CCSER1: variants seen among roughly 807,000 people sequenced by gnomAD.
CCSER1 encodes the protein coiled-coil serine rich protein 1, also known as serine-rich coiled-coil domain-containing protein 1.
CCSER1 carries 41 observed loss-of-function variants against 82.0 expected under a neutral mutation model. That is an observed-to-expected ratio of 0.50 (90% CI 0.39 to 0.65). CCSER1 has a LOEUF of 0.65. Among genes scored for constraint, CCSER1 ranks in the 30% least tolerant of loss-of-function variants. The pLI, the probability that CCSER1 is intolerant of heterozygous loss-of-function variation, is 0.00. For missense variants in CCSER1, 1,119 were observed against 1,064.2 expected (o/e 1.05, Z -0.72); for synonymous variants, 414 against 383.9 (o/e 1.08, Z -0.92).
intron 7 of CCSER1, among the ~76,000 whole-genome samples, chr4:90,790,197 G>A (rs1214490708): frequency 2.0e-5 from 3 of 152,040 alleles, no homozygotes; most frequent in Non-Finnish European, 4.4e-5. Flanking sequence ...GTCCTATGCA[G>A]CCTTTTCTTT....
chr4:90,159,996 C>CT (rs1408259974), intron 1 of CCSER1, among the ~76,000 whole-genome samples: 1 of 152,150 alleles, frequency 6.6e-6, no homozygotes, highest in East Asian at 1.9e-4. Flanking sequence ...ATATACTGTG[C>CT]TTTTAATAAT....
intron 1 of CCSER1, among the ~76,000 whole-genome samples, chr4:90,183,004 T>A (rs1327062763): frequency 2.6e-5 from 4 of 152,104 alleles, no homozygotes; most frequent in Non-Finnish European, 1.5e-5. Context: ...TTTTCTCTTT[T>A]ATCTCAGTTT....
At chr4:91,336,702 A>G (rs1747350552) in intron 10 of CCSER1, among the ~76,000 whole-genome samples, 1 of 152,118 alleles carries the variant, frequency 6.6e-6, no homozygotes, top group Non-Finnish European at 1.5e-5. Flanking sequence ...TATTCTAATT[A>G]GAGTTTATTC....
chr4:90,591,028 G>A (rs896705016), intron 5 of CCSER1, among the ~76,000 whole-genome samples: 3 of 152,060 alleles, frequency 2.0e-5, no homozygotes, highest in Non-Finnish European at 2.9e-5. Flanking sequence ...CTTGTAAGTT[G>A]TATTCCTAGG....
At chr4:90,460,344 AAC>A (rs1553917336) in intron 4 of CCSER1, among the ~76,000 whole-genome samples, 3 of 147,960 alleles carry the variant, frequency 2.0e-5, no homozygotes, top group Non-Finnish European at 4.4e-5. Context: ...AAAAAAAAAA[AAC>A]TAAGGCAAGA....
intron 1 of CCSER1, among the ~76,000 whole-genome samples, chr4:90,140,057 A>G (rs994241271): frequency 1.4e-4 from 21 of 152,176 alleles, no homozygotes; most frequent in Admixed American, 1.3e-3. Context: ...AAAAACCTAA[A>G]ATTTCTTTGC....
At chr4:90,957,936 T>A (rs1733692846) in intron 9 of CCSER1, among the ~76,000 whole-genome samples, 1 of 151,856 alleles carries the variant, frequency 6.6e-6, no homozygotes. Context: ...GCAGCAAGCT[T>A]GAAAAGGCAT....
chr4:90,142,702 G>T (rs1725027377), intron 1 of CCSER1, among the ~76,000 whole-genome samples: 1 of 149,806 alleles, frequency 6.7e-6, no homozygotes, highest in Admixed American at 6.6e-5. Flanking sequence ...CTTGATCCCT[G>T]CAGCCTCTGG....
chr4:91,482,155 C>A (rs1490124496), intron 10 of CCSER1, among the ~76,000 whole-genome samples: 2 of 151,304 alleles, frequency 1.3e-5, no homozygotes, highest in East Asian at 3.9e-4. Context: ...GTAATCCCAG[C>A]ACTTTGGGAG....
At chr4:90,568,277 T>C (rs1410987172) in intron 5 of CCSER1, among the ~76,000 whole-genome samples, 1 of 152,230 alleles carries the variant, frequency 6.6e-6, no homozygotes, top group Non-Finnish European at 1.5e-5. Context: ...AGTCTATTAC[T>C]ATTTCTGTAT....
At chr4:90,418,555 T>G (rs1464218760) in intron 4 of CCSER1, among the ~76,000 whole-genome samples, 2 of 151,978 alleles carry the variant, frequency 1.3e-5, no homozygotes, top group Non-Finnish European at 2.9e-5. Flanking sequence ...TTTGAGAAAG[T>G]TGGAGCTTTG....
chr4:90,163,504 T>C (rs1729867979), intron 1 of CCSER1, among the ~76,000 whole-genome samples: 1 of 152,094 alleles, frequency 6.6e-6, no homozygotes, highest in East Asian at 1.9e-4. Flanking sequence ...GAAAAAAGAC[T>C]ACTTTGAGTT....
intron 10 of CCSER1, among the ~76,000 whole-genome samples, chr4:91,540,890 A>G (rs113036142): frequency 7.0e-4 from 107 of 152,266 alleles, no homozygotes; most frequent in African/African-American, 2.5e-3. Flanking sequence ...GCTCTCAGTT[A>G]CACGCCATTT....
intron 9 of CCSER1, among the ~76,000 whole-genome samples, chr4:90,963,165 G>T (rs550022850): frequency 6.6e-6 from 1 of 152,118 alleles, no homozygotes; most frequent in African/African-American, 2.4e-5. Flanking sequence ...TAGTTCCCTA[G>T]ATTAGTCTAT....
At chr4:90,814,542 A>T (rs182236000) in intron 7 of CCSER1, among the ~76,000 whole-genome samples, 4 of 152,326 alleles carry the variant, frequency 2.6e-5, no homozygotes, top group African/African-American at 9.6e-5. Context: ...TTTAAATAAA[A>T]GTGCCTGTTT....
At chr4:90,937,405 C>A (rs573127813) in intron 9 of CCSER1, among the ~76,000 whole-genome samples, 6 of 151,900 alleles carry the variant, frequency 3.9e-5, no homozygotes, top group Admixed American at 1.3e-4. Context: ...ATCTATATAA[C>A]ACACAGATAA....
intron 4 of CCSER1, among the ~76,000 whole-genome samples, chr4:90,445,970 A>G (rs1006808270): frequency 3.9e-5 from 6 of 152,180 alleles, no homozygotes; most frequent in African/African-American, 1.4e-4. Flanking sequence ...ACAGGATGAA[A>G]TACCAACAAC....
intron 10 of CCSER1, among the ~76,000 whole-genome samples, chr4:91,383,728 T>C (rs192482409): frequency 6.6e-6 from 1 of 152,238 alleles, no homozygotes; most frequent in Admixed American, 6.5e-5. Flanking sequence ...TATTTGTTTC[T>C]TATTGAGGGT....
At chr4:91,453,241 G>A (rs550222459) in intron 10 of CCSER1, among the ~76,000 whole-genome samples, 1 of 152,024 alleles carries the variant, frequency 6.6e-6, no homozygotes, top group East Asian at 1.9e-4. Flanking sequence ...TTTTCTTGGT[G>A]AAATTAGTGT....
Sources: gnomAD v4.1 joint callset for allele counts (sites outside exome capture counted in the v4.1 genomes callset) on GRCh38, gnomAD v4.1.1 for gene constraint, MANE v1.5 for transcripts, NCBI Gene and HGNC (gene_info 2026-07-23, HGNC 2026-07-21) for gene names.